SOX6: variants seen among roughly 807,000 people sequenced by gnomAD.
SOX6 encodes the protein transcription factor SOX-6.
SOX6 carries 11 observed loss-of-function variants against 97.8 expected under a neutral mutation model. That is an observed-to-expected ratio of 0.11 (90% CI 0.07 to 0.19). The LOEUF is 0.19. Among genes scored for constraint, SOX6 ranks in the 10% least tolerant of loss-of-function variants. The probability of loss-of-function intolerance (pLI) is 1.00; values close to 1 mark genes in which losing one functional copy is unlikely to be tolerated. For synonymous variants in SOX6, 360 were observed against 371.4 expected (o/e 0.97, Z 0.35); for missense variants, 810 against 1,039.5 (o/e 0.78, Z 3.04).
intron 4 of SOX6, among the ~76,000 whole-genome samples, chr11:16,214,381 G>A (rs545775547): frequency 3.9e-4 from 60 of 152,232 alleles, no homozygotes; most frequent in Non-Finnish European, 7.2e-4. Flanking sequence ...CTGAATTACT[G>A]GGTACTTACT....
At chr11:16,588,228 C>A (rs928401843) in intron 4 of SOX6, among the ~76,000 whole-genome samples, 2 of 152,158 alleles carry the variant, frequency 1.3e-5, no homozygotes, top group Admixed American at 1.3e-4. Context: ...AGAACACTAT[C>A]CCAGATGGAT....
chr11:16,510,760 T>C (rs887975454), intron 4 of SOX6, among the ~76,000 whole-genome samples: 1 of 152,104 alleles, frequency 6.6e-6, no homozygotes, highest in African/African-American at 2.4e-5. Flanking sequence ...TTGTTATATG[T>C]ACATCCTGGA....
intron 2 of SOX6, among the ~76,000 whole-genome samples, chr11:16,325,546 G>C (rs906782817): frequency 1.2e-4 from 18 of 152,060 alleles, no homozygotes; most frequent in Non-Finnish European, 2.4e-4. Context: ...TAAAAGAATA[G>C]ATTTTGGCCT....
At chr11:16,104,964 AAAG>A (rs1370266532) in intron 7 of SOX6, among the ~76,000 whole-genome samples, 2 of 152,172 alleles carry the variant, frequency 1.3e-5, no homozygotes, top group Admixed American at 6.6e-5. Flanking sequence ...CCAAATGTTT[AAAG>A]AAGAATTAAT....
intron 4 of SOX6, among the ~76,000 whole-genome samples, chr11:16,603,015 C>A (rs1022756579): frequency 6.6e-6 from 1 of 151,632 alleles, no homozygotes; most frequent in Non-Finnish European, 1.5e-5. Flanking sequence ...AGCCAGATTC[C>A]GTCTCAAATA....
At position 16,199,364 on chromosome 11, in the gene SOX6, C is replaced by T. The variant is rs559493154; in HGVS notation, c.536-12409G>A. On this transcript the variant is annotated intron_variant, in intron 4 of 15. Transcript: ENST00000683767. ...TTTCTATGTGCTAGGATTAGCATTT[C>T]GCATTTTTTCTCTACTGCAACAAAC... Among the ~76,000 whole-genome samples the T allele has an allele frequency of 7.2e-5, 11 of 152,254 alleles. No homozygotes were observed. In the East Asian group the frequency reaches 1.9e-3, roughly 27 times the overall value.
intron 3 of SOX6, among the ~76,000 whole-genome samples, chr11:16,712,389 C>T (rs892620812): frequency 1.3e-5 from 2 of 152,084 alleles, no homozygotes; most frequent in Admixed American, 6.5e-5. Context: ...GTTCCCTGTT[C>T]GCCACATCCA....
chr11:16,456,684 G>T (rs1354528759), intron 1 of SOX6, among the ~76,000 whole-genome samples: 4 of 152,068 alleles, frequency 2.6e-5, no homozygotes, highest in African/African-American at 9.7e-5. Flanking sequence ...GGACCAAAAA[G>T]GGTGCTGAAA....
intron 4 of SOX6, among the ~76,000 whole-genome samples, chr11:16,550,340 A>C (rs900285448): frequency 5.3e-5 from 8 of 152,162 alleles, no homozygotes; most frequent in Non-Finnish European, 8.8e-5. Context: ...GGGGAGGGAT[A>C]GCATTAGGAG....
Position 15,968,732 on chromosome 11 carries a change from A to T in SOX6, c.*4077T>A, listed in dbSNP as rs1438012970. The T allele has an allele frequency of 6.6e-6, 1 of 152,256 alleles. No individual in the cohort carries two copies. Among genetic ancestry groups the T allele is most frequent in the African/African-American group, 2.4e-5 (1 of 41,454 alleles). The allele number at this position is 152,256 out of a possible 1,614,324, so 9.4% of individuals were successfully genotyped here. A position where few individuals can be genotyped will look rare whatever the true frequency, so the allele number is the denominator to read the frequency against. Reference sequence around the variant, plus strand: ...GTTCAGGGGAGGCCAGAATTCGACAAGCTCAATAGCACTGTGAGCCCACAC... The same window carrying T: ...GTTCAGGGGAGGCCAGAATTCGACATGCTCAATAGCACTGTGAGCCCACAC... On this transcript the variant is annotated 3_prime_UTR_variant, in exon 16 of 16. Transcript: ENST00000683767.
chr11:16,448,695 C>T (rs1486820476), intron 1 of SOX6, among the ~76,000 whole-genome samples: 1 of 152,070 alleles, frequency 6.6e-6, no homozygotes, highest in East Asian at 1.9e-4. Context: ...TCAGCTACTT[C>T]CTATACGAAT....
intron 4 of SOX6, among the ~76,000 whole-genome samples, chr11:16,226,779 A>G (rs1486120817): frequency 6.6e-6 from 1 of 152,124 alleles, no homozygotes; most frequent in Non-Finnish European, 1.5e-5. Flanking sequence ...GATAAATACT[A>G]CTACATGGAG....
chr11:16,509,417 G>C (rs1299435518), intron 4 of SOX6, among the ~76,000 whole-genome samples: 1 of 151,802 alleles, frequency 6.6e-6, no homozygotes, highest in African/African-American at 2.4e-5. Context: ...CATTTCCCTC[G>C]AGTCAGTACA....
intron 4 of SOX6, among the ~76,000 whole-genome samples, chr11:16,524,429 C>T (rs566377625): frequency 1.3e-5 from 2 of 152,084 alleles, no homozygotes; most frequent in Non-Finnish European, 1.5e-5. Flanking sequence ...AATTCAACAA[C>T]CCTTCATGCT....
chr11:16,164,863 A>G (rs1850845787), intron 6 of SOX6, among the ~76,000 whole-genome samples: 2 of 151,930 alleles, frequency 1.3e-5, no homozygotes, highest in South Asian at 4.2e-4. Context: ...AAGAAAGTCC[A>G]CAGAGAGACA....
At chr11:16,421,842 T>TA (rs1859027365) in intron 1 of SOX6, among the ~76,000 whole-genome samples, 1 of 152,254 alleles carries the variant, frequency 6.6e-6, no homozygotes, top group African/African-American at 2.4e-5. Flanking sequence ...AGTTTACTGT[T>TA]AGAGTCAGTT....
At chr11:16,075,832 A>G (rs1203267331) in intron 9 of SOX6, among the ~76,000 whole-genome samples, 1 of 152,182 alleles carries the variant, frequency 6.6e-6, no homozygotes, top group Non-Finnish European at 1.5e-5. Context: ...ATTCAAAAAA[A>G]GGAACAAAAC....
chr11:16,286,085 T>G (rs1854732762), intron 3 of SOX6, among the ~76,000 whole-genome samples: 2 of 152,136 alleles, frequency 1.3e-5, no homozygotes, highest in African/African-American at 4.8e-5. Context: ...ATATCATGAT[T>G]TTTAAAGCCA....
At chr11:16,436,217 A>G (rs1299490710) in intron 1 of SOX6, among the ~76,000 whole-genome samples, 1 of 152,212 alleles carries the variant, frequency 6.6e-6, no homozygotes, top group Non-Finnish European at 1.5e-5. Context: ...AAAAATTAAA[A>G]AAATAGTGAT....
Sources: gnomAD v4.1 joint callset for allele counts (sites outside exome capture counted in the v4.1 genomes callset) on GRCh38, gnomAD v4.1.1 for gene constraint, MANE v1.5 for transcripts, NCBI Gene and HGNC (gene_info 2026-07-23, HGNC 2026-07-21) for gene names.